The following ACVR2A variants were observed in gnomAD, a reference collection of about 807,000 sequenced individuals.
The protein encoded by ACVR2A is activin A receptor type 2A, also known as activin receptor type-2A.
ACVR2A carries 7 observed loss-of-function variants against 61.4 expected under a neutral mutation model. That is an observed-to-expected ratio of 0.11 (90% CI 0.06 to 0.21). ACVR2A has a LOEUF of 0.21. Among genes scored for constraint, ACVR2A ranks in the 10% least tolerant of loss-of-function variants. The pLI is 1.00. For missense variants in ACVR2A, 322 were observed against 621.7 expected, an observed-to-expected ratio of 0.52 and a Z score of 5.13; for synonymous variants, 193 against 208.3, an observed-to-expected ratio of 0.93 and a Z score of 0.63.
intron 1 of ACVR2A, among the ~76,000 whole-genome samples, chr2:147,855,747 A>T (rs919953646): frequency 5.9e-5 from 9 of 152,158 alleles, no homozygotes; most frequent in African/African-American, 2.2e-4. Flanking sequence ...TTGAATACAA[A>T]TTCTCAGAAA....
At position 147,917,315 on chromosome 2, in the gene ACVR2A, C is replaced by A. The variant is rs776382530; in HGVS notation, c.705C>A (p.Val235=). The change falls in exon 6 of 11, where the codon GTC becomes GTA. Residue 235 remains valine (V), a synonymous_variant. Coordinates refer to ENST00000241416, the MANE Select transcript of ACVR2A (RefSeq NM_001616.5). ...DKQSWQNEYE[V]YSLPGMKHEN... The stretch of plus-strand genomic sequence containing the variant: ...AGTCATGGCAAAATGAATACGAAGT[C>A]TACAGTTTGCCTGGAATGAAGCATG... 4 of 1,612,080 alleles carry A rather than the reference C, an allele frequency of 2.5e-6. No homozygotes were observed. The highest frequency in any genetic ancestry group is 2.5e-6 in the Non-Finnish European group (3 of 1,178,768).
chr2:147,915,913 T>C (rs183827130), intron 5 of ACVR2A, among the ~76,000 whole-genome samples: 1 of 151,950 alleles, frequency 6.6e-6, no homozygotes, highest in East Asian at 1.9e-4. Context: ...TTCTTGTGTT[T>C]TGTTTTGTTC....
At chr2:147,860,715 T>A (rs1685706309) in intron 1 of ACVR2A, among the ~76,000 whole-genome samples, 1 of 152,208 alleles carries the variant, frequency 6.6e-6, no homozygotes, top group Non-Finnish European at 1.5e-5. Context: ...GTTGGTTAAT[T>A]GAACAGAAAG....
chr2:147,887,244 A>T (rs560608159), intron 1 of ACVR2A, among the ~76,000 whole-genome samples: 1 of 152,062 alleles, frequency 6.6e-6, no homozygotes, highest in African/African-American at 2.4e-5. Flanking sequence ...AAGGGAAACT[A>T]GTGAAAATGT....
intron 1 of ACVR2A, among the ~76,000 whole-genome samples, chr2:147,870,790 C>T (rs188500802): frequency 1.3e-3 from 205 of 152,236 alleles, no homozygotes; most frequent in African/African-American, 4.4e-3. Context: ...AGACTGCTTT[C>T]TGCATATGTG....
chr2:147,901,745 A>G (rs1011384758), intron 4 of ACVR2A, among the ~76,000 whole-genome samples: 5 of 152,020 alleles, frequency 3.3e-5, no homozygotes, highest in African/African-American at 1.2e-4. Context: ...AAAATACAAG[A>G]CAGGCCTGAC....
chr2:147,891,015 C>A (rs1057400109), intron 1 of ACVR2A, among the ~76,000 whole-genome samples: 4 of 152,058 alleles, frequency 2.6e-5, no homozygotes, highest in Admixed American at 1.3e-4. Flanking sequence ...GTGGAAATAT[C>A]TTTTTAATAA....
chr2:147,924,873 T>A (rs1306246404), intron 9 of ACVR2A, among the ~76,000 whole-genome samples: 1 of 151,904 alleles, frequency 6.6e-6, no homozygotes, highest in Non-Finnish European at 1.5e-5. Flanking sequence ...TGCTGGCCTG[T>A]ACACCACATA....
At chr2:147,888,618 C>T (rs117190666) in intron 1 of ACVR2A, among the ~76,000 whole-genome samples, 514 of 150,050 alleles carry the variant, frequency 3.4e-3, no homozygotes, top group East Asian at 8.4e-3. Context: ...TTTTGTGTTT[C>T]GTTCATCTAT....
At position 147,870,430 on chromosome 2, in the gene ACVR2A, A is replaced by C. The variant is rs111279330; in HGVS notation, c.55+25223A>C. ...GCCACAATGCTGAATTTAACATGCCACTTCTGATTTTTCTTGTTAGAGTGT... is the reference window on the plus strand; with the variant it reads ...GCCACAATGCTGAATTTAACATGCCCCTTCTGATTTTTCTTGTTAGAGTGT... On this transcript the variant is annotated intron_variant, in intron 1 of 10. Coordinates refer to ENST00000241416, the MANE Select transcript of ACVR2A (RefSeq NM_001616.5). Among the ~76,000 whole-genome samples, 3 of 152,188 alleles carry C rather than the reference A, an allele frequency of 2.0e-5. 1 individual carries two copies. The highest frequency in any genetic ancestry group is 7.2e-5 in the African/African-American group (3 of 41,534).
At chr2:147,850,957 T>C (rs1685431222) in intron 1 of ACVR2A, among the ~76,000 whole-genome samples, 1 of 152,126 alleles carries the variant, frequency 6.6e-6, no homozygotes, top group Admixed American at 6.5e-5. Flanking sequence ...TGATCAAGAA[T>C]GTGGTCGTAG....
At chr2:147,847,076 T>G (rs565189045) in intron 1 of ACVR2A, among the ~76,000 whole-genome samples, 1 of 152,082 alleles carries the variant, frequency 6.6e-6, no homozygotes, top group Non-Finnish European at 1.5e-5. Context: ...ATTATTTTCA[T>G]TGGGCCAGGA....
chr2:147,913,899 GTT>G (rs1265020787), intron 4 of ACVR2A, among the ~76,000 whole-genome samples: 1 of 137,046 alleles, frequency 7.3e-6, no homozygotes, highest in African/African-American at 2.7e-5. Context: ...TTATCTTACT[GTT>G]TAAACAGGAA....
At chr2:147,923,835 T>A (rs1687441835) in intron 9 of ACVR2A, among the ~76,000 whole-genome samples, 1 of 152,116 alleles carries the variant, frequency 6.6e-6, no homozygotes, top group African/African-American at 2.4e-5. Flanking sequence ...TATAATTGCC[T>A]AAAAACTTCC....
chr2:147,862,217 C>T (rs1465153261), intron 1 of ACVR2A, among the ~76,000 whole-genome samples: 1 of 151,826 alleles, frequency 6.6e-6, no homozygotes, highest in South Asian at 2.1e-4. Flanking sequence ...TGTTTAGAGT[C>T]TGGGGAGCCA....
At chr2:147,906,839 T>TA (rs1686998415) in intron 4 of ACVR2A, among the ~76,000 whole-genome samples, 2 of 147,360 alleles carry the variant, frequency 1.4e-5, no homozygotes, top group Non-Finnish European at 1.5e-5. Context: ...TTTTTTTTTT[T>TA]AACTTTAAAT....
chr2:147,917,578 T>A, intron 6 of ACVR2A, 152 bp downstream of exon 6: 1 of 1,025,852 alleles, frequency 9.7e-7, no homozygotes, highest in Non-Finnish European at 1.4e-6. Flanking sequence ...TAAAAATGTT[T>A]TAAAAGGTAG....
chr2:147,874,911 G>C (rs1442587469), intron 1 of ACVR2A, among the ~76,000 whole-genome samples: 3 of 151,974 alleles, frequency 2.0e-5, no homozygotes, highest in African/African-American at 7.2e-5. Flanking sequence ...CTAAAGGGCA[G>C]TGACTTTTCT....
At chr2:147,896,107 T>TG (rs1035514228) in intron 1 of ACVR2A, among the ~76,000 whole-genome samples, 194 bp from the exon 2 acceptor site, 103 of 152,304 alleles carry the variant, frequency 6.8e-4, no homozygotes, top group African/African-American at 2.2e-3. Flanking sequence ...GTGATATATA[T>TG]GGTTATTTCC....
Sources: gnomAD v4.1 joint callset for allele counts (sites outside exome capture counted in the v4.1 genomes callset) on GRCh38, gnomAD v4.1.1 for gene constraint, MANE v1.5 for transcripts, NCBI Gene and HGNC (gene_info 2026-07-23, HGNC 2026-07-21) for gene names.